The following CTNNA3 variants were observed in gnomAD, a reference collection of about 807,000 sequenced individuals.
CTNNA3 encodes the protein catenin alpha-3.
CTNNA3 carries 76 observed loss-of-function variants against 95.7 expected under a neutral mutation model. The ratio of observed to expected loss-of-function variants is 0.79; its 90% CI spans 0.66 to 0.96. CTNNA3 has a LOEUF of 0.96. Among genes scored for constraint, CTNNA3 ranks in the 40% least tolerant of loss-of-function variants. The pLI, the probability that CTNNA3 is intolerant of heterozygous loss-of-function variation, is 0.00. For synonymous variants in CTNNA3, 431 were observed against 374.4 expected, an observed-to-expected ratio of 1.15 and a Z score of -1.74; for missense variants, 1,191 against 1,089.8, an observed-to-expected ratio of 1.09 and a Z score of -1.31.
intron 7 of CTNNA3, among the ~76,000 whole-genome samples, chr10:66,836,089 A>G (rs948717439): frequency 2.6e-5 from 4 of 152,188 alleles, no homozygotes; most frequent in African/African-American, 7.2e-5. Flanking sequence ...AAAGTAGTCA[A>G]TGATTTGTAG....
chr10:66,139,356 C>T (rs2083499781), intron 13 of CTNNA3, among the ~76,000 whole-genome samples: 1 of 152,080 alleles, frequency 6.6e-6, no homozygotes, highest in Non-Finnish European at 1.5e-5. Context: ...ACCTTGATGG[C>T]TTTGTGTTTC....
At chr10:66,681,232 A>G (rs1215381592) in intron 9 of CTNNA3, among the ~76,000 whole-genome samples, 1 of 152,108 alleles carries the variant, frequency 6.6e-6, no homozygotes, top group African/African-American at 2.4e-5. Flanking sequence ...GGTCCTCTAG[A>G]ATAGGACTTT....
chr10:66,427,418 G>A (rs546982378), intron 11 of CTNNA3, among the ~76,000 whole-genome samples: 10 of 151,696 alleles, frequency 6.6e-5, no homozygotes, highest in Non-Finnish European at 1.2e-4. Context: ...GCTTCCTTAC[G>A]GTTGGAACTG....
intron 9 of CTNNA3, among the ~76,000 whole-genome samples, chr10:66,737,755 G>A (rs1849194652): frequency 6.6e-6 from 1 of 151,948 alleles, no homozygotes; most frequent in Non-Finnish European, 1.5e-5. Context: ...TGACTGCCTG[G>A]TTCAAGTGAT....
intron 11 of CTNNA3, among the ~76,000 whole-genome samples, chr10:66,468,657 G>T (rs1481455102): frequency 6.6e-6 from 1 of 151,334 alleles, no homozygotes; most frequent in Admixed American, 6.6e-5. Flanking sequence ...GTGAAGTAAT[G>T]TATATGTTTA....
At chr10:67,223,132 CA>C (rs1247680188) in intron 5 of CTNNA3, among the ~76,000 whole-genome samples, 2 of 152,126 alleles carry the variant, frequency 1.3e-5, no homozygotes, top group African/African-American at 4.8e-5. Context: ...CAGCAGTGGA[CA>C]GGGGCAAAGG....
chr10:66,635,498 A>G (rs1380881443), intron 9 of CTNNA3, among the ~76,000 whole-genome samples: 3 of 152,152 alleles, frequency 2.0e-5, no homozygotes, highest in Admixed American at 1.3e-4. Context: ...CAGAAAGAGA[A>G]GGGATTTTCT....
intron 13 of CTNNA3, among the ~76,000 whole-genome samples, chr10:66,157,501 A>G (rs1335288489): frequency 2.0e-5 from 1 of 50,588 alleles, no homozygotes; most frequent in African/African-American, 5.9e-5. Context: ...GTAGATAGAT[A>G]GATAGATAGA....
intron 12 of CTNNA3, among the ~76,000 whole-genome samples, chr10:66,362,476 C>A (rs1266530247): frequency 1.3e-5 from 2 of 151,688 alleles, no homozygotes; most frequent in Non-Finnish European, 2.9e-5. Flanking sequence ...TTTGGGAGGC[C>A]AAGGCAGGAG....
chr10:66,048,231 C>T lies in CTNNA3; in HGVS notation c.2159+21077G>A, dbSNP rs529554931. On this transcript the variant is annotated intron_variant, in intron 15 of 17. Transcript: ENST00000433211. The stretch of plus-strand genomic sequence containing the variant: ...TGTTACCTGACTTCAAACTATACTA[C>T]AAGGCTACATTAATCAAAAATGCAT... Among the ~76,000 whole-genome samples the T allele has an allele frequency of 5.9e-5, 9 of 152,308 alleles. 1 individual carries two copies. The South Asian group carries it at 1.9e-3, about 32-fold the overall frequency.
chr10:67,667,139 A>G (rs1438193430), intron 1 of CTNNA3, among the ~76,000 whole-genome samples: 5 of 152,170 alleles, frequency 3.3e-5, no homozygotes, highest in African/African-American at 1.2e-4. Context: ...TTCATTATAT[A>G]TTAGAAGCCA....
intron 9 of CTNNA3, among the ~76,000 whole-genome samples, chr10:66,681,686 C>T (rs4590751): frequency 0.55 from 84,293 of 152,074 alleles, 24,117 homozygotes; most frequent in African/African-American, 0.68. Flanking sequence ...TGCTAGGCAA[C>T]GCAACATTCT....
chr10:67,463,248 C>T (rs773858622), intron 5 of CTNNA3, among the ~76,000 whole-genome samples: 2 of 151,422 alleles, frequency 1.3e-5, no homozygotes, highest in African/African-American at 4.8e-5. Flanking sequence ...GCAATGGGCA[C>T]GGCATCCAAT....
chr10:66,278,767 CA>C (rs1174079957), intron 13 of CTNNA3, among the ~76,000 whole-genome samples: 1 of 152,006 alleles, frequency 6.6e-6, no homozygotes, highest in East Asian at 1.9e-4. Context: ...CTCAAATATC[CA>C]CTCAGGAATA....
chr10:65,968,401 A>T (rs778426089), intron 16 of CTNNA3, among the ~76,000 whole-genome samples: 2 of 152,040 alleles, frequency 1.3e-5, no homozygotes, highest in Non-Finnish European at 2.9e-5. Flanking sequence ...AAAAATAAAA[A>T]ATAAAATAAT....
At chr10:67,097,532 C>T (rs2131933264) in intron 7 of CTNNA3, 2 of 1,494,382 alleles carry the variant, frequency 1.3e-6, no homozygotes, top group South Asian at 2.3e-5. Flanking sequence ...TAAATCTTTC[C>T]CCTAAAGTTG....
At chr10:66,359,830 AT>A (rs10606849) in intron 12 of CTNNA3, among the ~76,000 whole-genome samples, 48,760 of 143,450 alleles carry the variant, frequency 0.34, 8,393 homozygotes, top group East Asian at 0.61. Flanking sequence ...TCATCTTACT[AT>A]TTTTTTTTTT....
At chr10:67,460,115 A>T (rs540297905) in intron 5 of CTNNA3, among the ~76,000 whole-genome samples, 2 of 152,262 alleles carry the variant, frequency 1.3e-5, no homozygotes, top group South Asian at 4.1e-4. Flanking sequence ...TATTCTTTAA[A>T]TACTGTACAT....
At chr10:67,364,517 C>A (rs1336319379) in intron 5 of CTNNA3, among the ~76,000 whole-genome samples, 1 of 151,408 alleles carries the variant, frequency 6.6e-6, no homozygotes, top group African/African-American at 2.4e-5. Flanking sequence ...AATTAGGATA[C>A]TTCAGCAAAG....
Sources: gnomAD v4.1 joint callset for allele counts (sites outside exome capture counted in the v4.1 genomes callset) on GRCh38, gnomAD v4.1.1 for gene constraint, MANE v1.5 for transcripts, NCBI Gene and HGNC (gene_info 2026-07-23, HGNC 2026-07-21) for gene names.